KCNMB2: variants seen among roughly 807,000 people sequenced by gnomAD.
KCNMB2 encodes calcium-activated potassium channel subunit beta-2.
Under a neutral mutation model 24.5 loss-of-function variants are expected in KCNMB2, and 9 were observed. The ratio of observed to expected loss-of-function variants is 0.37; its 90% CI spans 0.22 to 0.64. KCNMB2 has a LOEUF of 0.64. Ranked by LOEUF, KCNMB2 falls within the 30% of genes least tolerant of loss-of-function variation. KCNMB2 has a pLI of 0.63. For missense variants in KCNMB2, 226 were observed against 284.3 expected (o/e 0.79, Z 1.47); for synonymous variants, 109 against 104.4 (o/e 1.04, Z -0.27).
chr3:178,737,056 G>C (rs1250205997), intron 1 of KCNMB2, among the ~76,000 whole-genome samples: 1 of 152,148 alleles, frequency 6.6e-6, no homozygotes, highest in East Asian at 1.9e-4. Flanking sequence ...GATCACTTGA[G>C]GGCAGGAGTT....
At chr3:178,629,344 A>C (rs777051976) in intron 1 of KCNMB2, among the ~76,000 whole-genome samples, 4 of 152,344 alleles carry the variant, frequency 2.6e-5, no homozygotes, top group Admixed American at 2.0e-4. Flanking sequence ...ATCCTGTAGG[A>C]AAAATTAACA....
At chr3:178,719,997 T>C (rs1290873255) in intron 1 of KCNMB2, among the ~76,000 whole-genome samples, 1 of 152,176 alleles carries the variant, frequency 6.6e-6, no homozygotes, top group Non-Finnish European at 1.5e-5. Flanking sequence ...TTTTAAATTA[T>C]ACTTTAAGTT....
chr3:178,539,121 CACAG>C (rs1489717320), intron 1 of KCNMB2, among the ~76,000 whole-genome samples: 1 of 152,134 alleles, frequency 6.6e-6, no homozygotes, highest in Non-Finnish European at 1.5e-5. Flanking sequence ...CTCTTATATA[CACAG>C]ACAGTCATCA....
intron 1 of KCNMB2, among the ~76,000 whole-genome samples, chr3:178,617,901 A>C (rs1395335598): frequency 3.3e-5 from 5 of 151,688 alleles, no homozygotes; most frequent in African/African-American, 1.2e-4. Context: ...AAAAAAAAAA[A>C]AAAAAAAAAA....
intron 1 of KCNMB2, among the ~76,000 whole-genome samples, chr3:178,759,685 A>AG (rs1407972905): frequency 0.072 from 8,019 of 111,900 alleles, 1,291 homozygotes; most frequent in Non-Finnish European, 0.1. Flanking sequence ...TATATCCAAG[A>AG]GGATATATAT....
At chr3:178,661,618 C>T (rs1720532879) in intron 1 of KCNMB2, among the ~76,000 whole-genome samples, 1 of 152,074 alleles carries the variant, frequency 6.6e-6, no homozygotes, top group Non-Finnish European at 1.5e-5. Flanking sequence ...CTGAATTTGA[C>T]CCATGGGCTA....
chr3:178,811,758 A>G (rs972035470), intron 2 of KCNMB2, among the ~76,000 whole-genome samples: 1 of 152,212 alleles, frequency 6.6e-6, no homozygotes, highest in Non-Finnish European at 1.5e-5. Flanking sequence ...AAGTACACGC[A>G]GCTTTAATTT....
rs372232230 is a variant in KCNMB2 at position 178,709,035 on chromosome 3, A to C, written c.-67-98308A>C. 1.8e-4 allele frequency among the ~76,000 whole-genome samples: 27 copies of C among 152,320 alleles called. 1 individual carries two copies. In the East Asian group the frequency reaches 2.7e-3, roughly 15 times the overall value. ...CTTAACTCCTCTTATAGGTTAAAGGAGGAAAAAATAGCAGTGTACTAGTTC... is the reference window on the plus strand; with the variant it reads ...CTTAACTCCTCTTATAGGTTAAAGGCGGAAAAAATAGCAGTGTACTAGTTC... On this transcript the variant is annotated intron_variant, in intron 1 of 4. Transcript: ENST00000452583.
rs190052833 is a variant in KCNMB2, at chr3:178,557,074, G to T, written c.-68+20363G>T. On this transcript the variant is annotated intron_variant, in intron 1 of 4. Coordinates refer to ENST00000452583, the MANE Select transcript of KCNMB2 (RefSeq NM_181361.3). ...GGATTAAAGCTGAAGAATAAACAAG[G>T]ATTAATTAATCAATCAAGACCTCCA... Among the ~76,000 whole-genome samples the T allele has an allele frequency of 3.3e-4, 51 of 152,244 alleles. No individual in the cohort carries two copies. In the East Asian group the frequency reaches 9.3e-3, roughly 28 times the overall value.
In KCNMB2 at chr3:178,701,526, TG is replaced by T. The variant is rs766419167; in HGVS notation, c.-67-105814del. ...ATTGGTAGCTTGATGGGGATGGCATTGGGCTAATATCCAGAATCTACAAAGA... is the reference window on the plus strand; with the variant it reads ...ATTGGTAGCTTGATGGGGATGGCATTGGCTAATATCCAGAATCTACAAAGA... On this transcript the variant is annotated intron_variant, in intron 1 of 4. Transcript: ENST00000452583. 3.2e-3 allele frequency among the ~76,000 whole-genome samples: 489 copies of T among 151,840 alleles called. 4 individuals are homozygous for T. The highest frequency in any genetic ancestry group is 3.5e-3 in the Non-Finnish European group (237 of 67,932).
At chr3:178,757,319 G>T (rs1382116362) in intron 1 of KCNMB2, among the ~76,000 whole-genome samples, 2 of 97,988 alleles carry the variant, frequency 2.0e-5, no homozygotes, top group African/African-American at 7.7e-5. Flanking sequence ...CATCCAAGAG[G>T]ACATATATAT....
intron 1 of KCNMB2, among the ~76,000 whole-genome samples, chr3:178,786,946 C>T (rs1274756184): frequency 6.6e-6 from 1 of 151,908 alleles, no homozygotes; most frequent in Non-Finnish European, 1.5e-5. Context: ...TTCAACTTTC[C>T]AAAGTAGAAC....
chr3:178,748,221 A>C (rs958470259), intron 1 of KCNMB2: 1 of 152,232 alleles, frequency 6.6e-6, no homozygotes, highest in Non-Finnish European at 1.5e-5. Flanking sequence ...TAGCAAGTTA[A>C]AGAAATTGAG....
intron 1 of KCNMB2, among the ~76,000 whole-genome samples, chr3:178,626,757 G>T (rs1456770374): frequency 6.6e-6 from 1 of 151,924 alleles, no homozygotes; most frequent in East Asian, 1.9e-4. Flanking sequence ...TAGAATTCAA[G>T]ATGAGATTTG....
At chr3:178,639,613 G>A (rs1577066141) in intron 1 of KCNMB2, among the ~76,000 whole-genome samples, 1 of 152,270 alleles carries the variant, frequency 6.6e-6, no homozygotes, top group African/African-American at 2.4e-5. Context: ...TCATCCTCAG[G>A]AGTAACTTTC....
At chr3:178,810,898 CTAACT>C (rs1212444081) in intron 2 of KCNMB2, among the ~76,000 whole-genome samples, 3 of 140,006 alleles carry the variant, frequency 2.1e-5, no homozygotes, top group Non-Finnish European at 4.6e-5. Context: ...CCACACCTGG[CTAACT>C]TTTTTTTTTT....
intron 1 of KCNMB2, among the ~76,000 whole-genome samples, chr3:178,729,006 C>A (rs537877807): frequency 6.6e-6 from 1 of 152,034 alleles, no homozygotes; most frequent in Non-Finnish European, 1.5e-5. Flanking sequence ...GTTACTCTGG[C>A]CTATCACATA....
intron 1 of KCNMB2, among the ~76,000 whole-genome samples, chr3:178,769,429 A>C (rs1712254821): frequency 6.6e-6 from 1 of 152,154 alleles, no homozygotes; most frequent in Middle Eastern, 3.2e-3. Context: ...CCAGCTGTTG[A>C]CACTCAAAGA....
At chr3:178,654,489 T>G (rs1330373414) in intron 1 of KCNMB2, among the ~76,000 whole-genome samples, 6 of 151,936 alleles carry the variant, frequency 3.9e-5, no homozygotes, top group African/African-American at 1.4e-4. Flanking sequence ...CCCAAAGAAA[T>G]GAGGAAGAAA....
Sources: allele counts gnomAD v4.1 joint callset (sites outside exome capture counted in the v4.1 genomes callset), GRCh38; gene constraint gnomAD v4.1.1; transcripts MANE v1.5; gene names NCBI Gene and HGNC (gene_info 2026-07-23, HGNC 2026-07-21).